Variants in SLC35F3 observed in about 807,000 individuals in gnomAD.
SLC35F3 encodes putative thiamine transporter SLC35F3.
Under a neutral mutation model 49.9 loss-of-function variants are expected in SLC35F3, and 25 were observed. The observed-to-expected ratio is 0.50, with a 90% confidence interval of 0.37 to 0.70. The LOEUF (loss-of-function observed/expected upper bound fraction) is 0.70. SLC35F3 is among the 30% of genes least tolerant of loss of function. The pLI is 0.00. For synonymous variants in SLC35F3, 275 were observed against 265.4 expected, an observed-to-expected ratio of 1.04 and a Z score of -0.35; for missense variants, 525 against 639.8, an observed-to-expected ratio of 0.82 and a Z score of 1.94.
At chr1:233,973,733 C>T (rs1194902749) in intron 2 of SLC35F3, among the ~76,000 whole-genome samples, 1 of 152,198 alleles carries the variant, frequency 6.6e-6, no homozygotes, top group Non-Finnish European at 1.5e-5. Flanking sequence ...CACAAATGCA[C>T]GTGGTCACAT....
chr1:234,001,561 G>T (rs1171708673), intron 2 of SLC35F3, among the ~76,000 whole-genome samples: 1 of 152,188 alleles, frequency 6.6e-6, no homozygotes, highest in Non-Finnish European at 1.5e-5. Flanking sequence ...ATACTAGCAG[G>T]TATACAAGGT....
rs113010188 is a variant in SLC35F3 at position 234,256,413 on chromosome 1, G to A, written c.608+24672G>A. On this transcript the variant is annotated intron_variant, in intron 3 of 7. Coordinates refer to ENST00000366618, the MANE Select transcript of SLC35F3 (RefSeq NM_173508.4). ...CTGAATTTTCAGCTATGATGGGATG[G>A]TAGGACAAACCTCCTTATATCCTCT... 4.2e-3 allele frequency among the ~76,000 whole-genome samples: 643 copies of A among 152,264 alleles called. 5 individuals carry two copies. Among genetic ancestry groups the A allele is most frequent in the African/African-American group, 0.013 (553 of 41,544 alleles).
chr1:233,929,803 A>G (rs2102792679), intron 2 of SLC35F3, among the ~76,000 whole-genome samples: 1 of 152,266 alleles, frequency 6.6e-6, no homozygotes, highest in Middle Eastern at 3.4e-3. Flanking sequence ...TCTGGTTTTC[A>G]CTGGTTTGTT....
At chr1:234,202,189 G>A (rs1425256550) in intron 2 of SLC35F3, among the ~76,000 whole-genome samples, 1 of 152,186 alleles carries the variant, frequency 6.6e-6, no homozygotes, top group Non-Finnish European at 1.5e-5. Flanking sequence ...TTATAAGTCG[G>A]AACTGAATGA....
intron 2 of SLC35F3, among the ~76,000 whole-genome samples, chr1:234,120,465 C>T (rs1665553532): frequency 6.6e-6 from 1 of 152,124 alleles, no homozygotes; most frequent in Non-Finnish European, 1.5e-5. Flanking sequence ...TTGAGAACCG[C>T]AGTTCCTCTG....
chr1:234,166,081 T>C (rs1008386982), intron 2 of SLC35F3, among the ~76,000 whole-genome samples: 2 of 152,222 alleles, frequency 1.3e-5, no homozygotes, highest in African/African-American at 4.8e-5. Context: ...ATAACCGCAT[T>C]TTCTTTATCC....
At chr1:234,145,160 T>C (rs12071173) in intron 2 of SLC35F3, among the ~76,000 whole-genome samples, 10,395 of 152,284 alleles carry the variant, frequency 0.068, 583 homozygotes, top group African/African-American at 0.14. Context: ...CTCAGGGTGA[T>C]ACCAGTTTTG....
intron 3 of SLC35F3, among the ~76,000 whole-genome samples, chr1:234,240,165 G>C (rs1356182943): frequency 1.3e-5 from 2 of 152,190 alleles, no homozygotes; most frequent in Admixed American, 6.5e-5. Flanking sequence ...ATGATTATGA[G>C]GTCATAAAAT....
chr1:234,066,027 C>G (rs1453822120), intron 2 of SLC35F3, among the ~76,000 whole-genome samples: 1 of 152,134 alleles, frequency 6.6e-6, no homozygotes, highest in African/African-American at 2.4e-5. Flanking sequence ...CTTGGCGCCA[C>G]CTGGTGGCAC....
intron 2 of SLC35F3, among the ~76,000 whole-genome samples, chr1:234,121,422 G>A (rs1050010151): frequency 2.6e-5 from 4 of 152,074 alleles, no homozygotes; most frequent in African/African-American, 9.7e-5. Flanking sequence ...ACAGGCATGA[G>A]CCACCACGCC....
chr1:233,967,511 A>G (rs1465662046), intron 2 of SLC35F3, among the ~76,000 whole-genome samples: 1 of 152,182 alleles, frequency 6.6e-6, no homozygotes, highest in Non-Finnish European at 1.5e-5. Context: ...TTTGACTTTG[A>G]ATGTCAGTAT....
chr1:233,989,663 A>T (rs1056445793), intron 2 of SLC35F3, among the ~76,000 whole-genome samples: 1 of 152,232 alleles, frequency 6.6e-6, no homozygotes, highest in East Asian at 1.9e-4. Flanking sequence ...AAAAAATGCT[A>T]CATGTTAAAA....
At chr1:234,109,822 A>C (rs1665378264) in intron 2 of SLC35F3, among the ~76,000 whole-genome samples, 1 of 152,180 alleles carries the variant, frequency 6.6e-6, no homozygotes, top group Non-Finnish European at 1.5e-5. Context: ...CTCTGAAGTC[A>C]GGAGGATCTG....
chr1:233,925,887 T>G (rs917543425), intron 2 of SLC35F3, among the ~76,000 whole-genome samples: 2 of 152,202 alleles, frequency 1.3e-5, no homozygotes, highest in Non-Finnish European at 2.9e-5. Context: ...CTCCTTCACT[T>G]ATGATGCTTA....
chr1:233,982,141 T>C (rs1558196241), intron 2 of SLC35F3, among the ~76,000 whole-genome samples: 1 of 152,130 alleles, frequency 6.6e-6, no homozygotes, highest in Non-Finnish European at 1.5e-5. Flanking sequence ...GCCAGGCTGG[T>C]CTCAAACTCC....
chr1:234,175,881 C>T (rs1431014940), intron 2 of SLC35F3, among the ~76,000 whole-genome samples: 1 of 152,090 alleles, frequency 6.6e-6, no homozygotes, highest in African/African-American at 2.4e-5. Context: ...CCATCCGCAC[C>T]CCTTGCTGCA....
rs1279427430 is a variant in SLC35F3 at position 234,278,988 on chromosome 1, ATG to A, written c.609-30110_609-30109del. Among the ~76,000 whole-genome samples, 4 of 151,062 alleles carry A rather than the reference ATG, an allele frequency of 2.6e-5. No homozygotes were observed. In the East Asian group the frequency reaches 5.8e-4, roughly 22 times the overall value. On this transcript the variant is annotated intron_variant, in intron 3 of 7. Coordinates refer to ENST00000366618, the MANE Select transcript of SLC35F3 (RefSeq NM_173508.4). The stretch of plus-strand genomic sequence containing the variant: ...GAAGTTTATTTTGCCAAAGTGAAGG[ATG>A]TGCGCTCCTGACAGCCTCACGAGGT...
At chr1:234,295,140 C>T (rs1258778519) in intron 3 of SLC35F3, among the ~76,000 whole-genome samples, 2 of 152,212 alleles carry the variant, frequency 1.3e-5, no homozygotes, top group African/African-American at 4.8e-5. Context: ...GTTCCTGCAG[C>T]CTGCTTTAGT....
chr1:234,100,789 A>C lies in SLC35F3; in HGVS notation c.284-130628A>C, dbSNP rs1449114884. ...CATGGAGCAAAAAAATGGGTGCCTC[A>C]TGCAGGAGTATGCTTTTGCTTCCAC... On this transcript the variant is annotated intron_variant, in intron 2 of 7. Coordinates refer to ENST00000366618, the MANE Select transcript of SLC35F3 (RefSeq NM_173508.4). Among the ~76,000 whole-genome samples, 3 of 152,254 alleles carry C rather than the reference A, an allele frequency of 2.0e-5. No homozygotes were observed. The South Asian group carries it at 6.2e-4, about 31-fold the overall frequency.
Sources: gnomAD v4.1 joint callset for allele counts (sites outside exome capture counted in the v4.1 genomes callset) on GRCh38, gnomAD v4.1.1 for gene constraint, MANE v1.5 for transcripts, NCBI Gene and HGNC (gene_info 2026-07-23, HGNC 2026-07-21) for gene names.